Variants in SND1 observed in about 807,000 individuals in gnomAD.
SND1 encodes staphylococcal nuclease domain-containing protein 1.
SND1 carries 38 observed loss-of-function variants against 121.7 expected under a neutral mutation model. The observed-to-expected ratio is 0.31, with a 90% confidence interval of 0.24 to 0.41. The LOEUF (loss-of-function observed/expected upper bound fraction) is 0.41. SND1 is among the 10% of genes least tolerant of loss of function. The pLI is 1.00. For synonymous variants in SND1, 401 were observed against 447.4 expected, an observed-to-expected ratio of 0.90 and a Z score of 1.31; for missense variants, 868 against 1,184.6, an observed-to-expected ratio of 0.73 and a Z score of 3.92.
At position 127,721,373 on chromosome 7, in the gene SND1, A is replaced by C; in HGVS notation, c.1125A>C (p.Pro375=). The change falls in exon 10 of 24, where the codon CCA becomes CCC. Residue 375 remains proline (P), a synonymous_variant. Transcript: ENST00000354725. ...YKTIHLSSIR[P]PRLEGENTQD... ...CGATTCACCTGTCCAGCATCCGACC[A>C]CCGAGGCTGGAGGGGGAGAACACCC... The C allele has an allele frequency of 6.2e-7, 1 of 1,612,176 alleles. No homozygotes were observed. The highest frequency in any genetic ancestry group is 8.5e-7 in the Non-Finnish European group (1 of 1,179,292).
chr7:128,029,940 C>A lies in SND1; in HGVS notation c.1779+38884C>A. 6.2e-7 allele frequency: 1 copy of A among 1,613,228 alleles called. No homozygotes were observed. Among genetic ancestry groups the A allele is most frequent in the Non-Finnish European group, 8.5e-7 (1 of 1,180,030 alleles). ...GCTCAGGCCATGGAAGGAGCCAGGCCTGATCTCAGGGAAGTGGTTCCCTGA... is the reference window on the plus strand; with the variant it reads ...GCTCAGGCCATGGAAGGAGCCAGGCATGATCTCAGGGAAGTGGTTCCCTGA... On this transcript the variant is annotated intron_variant, in intron 16 of 23. Coordinates refer to ENST00000354725, the MANE Select transcript of SND1 (RefSeq NM_014390.4). The surrounding 1 kb of genome is among the most constrained non-coding windows in gnomAD (Gnocchi z 4.2).
At chr7:127,676,034 G>C (rs922766765) in intron 1 of SND1, among the ~76,000 whole-genome samples, 1 of 152,194 alleles carries the variant, frequency 6.6e-6, no homozygotes, top group Non-Finnish European at 1.5e-5. Flanking sequence ...CGATTGTGAA[G>C]TCTAAGCTAC....
At chr7:127,659,400 A>G (rs1795270705) in intron 1 of SND1, among the ~76,000 whole-genome samples, 1 of 152,240 alleles carries the variant, frequency 6.6e-6, no homozygotes, top group African/African-American at 2.4e-5. Context: ...TATGGGAAAA[A>G]TAAAACTAAA....
intron 16 of SND1, among the ~76,000 whole-genome samples, chr7:128,061,395 T>C (rs1011409813): frequency 6.6e-6 from 1 of 152,198 alleles, no homozygotes; most frequent in East Asian, 1.9e-4. Flanking sequence ...AGAGCCCCTG[T>C]CCTGGGCAGT....
chr7:127,935,612 G>A (rs3808080), intron 15 of SND1, among the ~76,000 whole-genome samples: 22,495 of 152,196 alleles, frequency 0.15, 1,686 homozygotes, highest in South Asian at 0.24. Context: ...TGAGGGAGTA[G>A]GCTTGGAGAG....
At chr7:127,992,264 CT>C (rs1365642388) in intron 16 of SND1, among the ~76,000 whole-genome samples, 3 of 152,150 alleles carry the variant, frequency 2.0e-5, no homozygotes, top group African/African-American at 7.2e-5. Context: ...GTGCTTCCCC[CT>C]CTCCCGTTTT....
intron 12 of SND1, among the ~76,000 whole-genome samples, chr7:127,867,765 T>C (rs1799505430): frequency 6.6e-6 from 1 of 152,166 alleles, no homozygotes; most frequent in African/African-American, 2.4e-5. Flanking sequence ...GCTTTAATTC[T>C]CTTTTTGAAA....
intron 15 of SND1, among the ~76,000 whole-genome samples, chr7:127,957,521 G>A (rs1584694519): frequency 6.6e-6 from 1 of 152,284 alleles, no homozygotes; most frequent in East Asian, 1.9e-4. Context: ...TTGGAAGGCT[G>A]TTGTTTCTAT....
intron 3 of SND1, among the ~76,000 whole-genome samples, chr7:127,696,781 A>G (rs1796012896): frequency 6.6e-6 from 1 of 152,222 alleles, no homozygotes; most frequent in Non-Finnish European, 1.5e-5. Flanking sequence ...TACTTTTTAA[A>G]CTGACTCACA....
At chr7:127,826,973 G>A (rs1184125908) in intron 11 of SND1, among the ~76,000 whole-genome samples, 2 of 152,182 alleles carry the variant, frequency 1.3e-5, no homozygotes, top group Admixed American at 6.5e-5. Context: ...CCTTGGGCTG[G>A]CCTTTCCAGA....
chr7:127,804,971 T>C (rs1304366632), intron 10 of SND1, among the ~76,000 whole-genome samples: 1 of 152,176 alleles, frequency 6.6e-6, no homozygotes, highest in Non-Finnish European at 1.5e-5. Flanking sequence ...AACCATTGAT[T>C]TTGTCTTTAT....
chr7:127,777,612 C>T (rs1797644925), intron 10 of SND1, among the ~76,000 whole-genome samples: 1 of 152,152 alleles, frequency 6.6e-6, no homozygotes. Context: ...ATTTCCAAAA[C>T]ACACAACCAT....
chr7:128,006,683 G>C (rs537951978), intron 16 of SND1, among the ~76,000 whole-genome samples: 162 of 152,288 alleles, frequency 1.1e-3, no homozygotes, highest in African/African-American at 3.6e-3. Context: ...TGGTCACCAG[G>C]CCCTCTCAAC....
At chr7:127,834,050 A>G (rs562752139) in intron 11 of SND1, among the ~76,000 whole-genome samples, 1 of 152,258 alleles carries the variant, frequency 6.6e-6, no homozygotes, top group South Asian at 2.1e-4. Context: ...AAGCTGAATA[A>G]CATTCTATTG....
intron 16 of SND1, among the ~76,000 whole-genome samples, chr7:128,073,089 A>T (rs1027329934): frequency 6.6e-6 from 1 of 152,134 alleles, no homozygotes; most frequent in African/African-American, 2.4e-5. Context: ...GCTGCTCCTG[A>T]AACAGAAGGC....
intron 10 of SND1, among the ~76,000 whole-genome samples, chr7:127,787,356 T>C (rs1333472952): frequency 6.6e-6 from 1 of 152,214 alleles, no homozygotes; most frequent in East Asian, 1.9e-4. Context: ...TGCCTCAGCC[T>C]CCCAAGTACC....
intron 16 of SND1, among the ~76,000 whole-genome samples, chr7:128,059,682 A>G (rs1023598669): frequency 6.6e-6 from 1 of 152,184 alleles, no homozygotes; most frequent in African/African-American, 2.4e-5. Context: ...TGCAGTGTAC[A>G]TTGTACTGTG....
intron 15 of SND1, among the ~76,000 whole-genome samples, chr7:127,962,688 C>G (rs1333843516): frequency 6.6e-6 from 1 of 152,194 alleles, no homozygotes; most frequent in East Asian, 1.9e-4. Flanking sequence ...GCAGGCAGCT[C>G]TGACACTATT....
chr7:127,829,086 A>AT (rs1798694251), intron 11 of SND1, among the ~76,000 whole-genome samples: 1 of 152,190 alleles, frequency 6.6e-6, no homozygotes, highest in Non-Finnish European at 1.5e-5. Flanking sequence ...CAGGGTATGT[A>AT]TTATTAACTA....
Sources: gnomAD v4.1 joint callset for allele counts (sites outside exome capture counted in the v4.1 genomes callset) on GRCh38, gnomAD v4.1.1 for gene constraint, Gnocchi (gnomAD v3.1) non-coding constraint, MANE v1.5 for transcripts, NCBI Gene and HGNC (gene_info 2026-07-23, HGNC 2026-07-21) for gene names.